The following ACADSB variants were observed in gnomAD, a reference collection of about 807,000 sequenced individuals.
ACADSB encodes the protein short/branched chain specific acyl-CoA dehydrogenase, mitochondrial.
A neutral mutation model predicts 54.1 loss-of-function variants in ACADSB; 40 were observed. The observed-to-expected ratio is 0.74, with a 90% CI of 0.57 to 0.96. The LOEUF (loss-of-function observed/expected upper bound fraction) is 0.96. Ranked by LOEUF, ACADSB falls within the 40% of genes least tolerant of loss-of-function variation. The pLI is 0.00. For missense variants in ACADSB, 530 were observed against 510.4 expected (o/e 1.04, Z -0.37); for synonymous variants, 182 against 182.8 (o/e 1.00, Z 0.03).
intron 1 of ACADSB, among the ~76,000 whole-genome samples, chr10:123,026,203 C>T (rs1177928661): frequency 3.3e-5 from 5 of 152,120 alleles, no homozygotes; most frequent in African/African-American, 7.2e-5. Flanking sequence ...AATAATAGTC[C>T]ACCAAAGTAT....
intron 1 of ACADSB, among the ~76,000 whole-genome samples, chr10:123,029,413 T>C (rs548150641): frequency 6.6e-6 from 1 of 151,888 alleles, no homozygotes; most frequent in Non-Finnish European, 1.5e-5. Flanking sequence ...ACTTCCACCC[T>C]CTCCTCAGAT....
intron 10 of ACADSB, 124 bp downstream of exon 10, chr10:123,053,284 G>T: frequency 1.3e-6 from 1 of 757,400 alleles, no homozygotes; most frequent in South Asian, 1.7e-5. Flanking sequence ...TATATGTTTG[G>T]TGGCTCTATT....
intron 7 of ACADSB, among the ~76,000 whole-genome samples, chr10:123,045,156 TATA>T (rs1850539774): frequency 7.1e-5 from 1 of 14,106 alleles, no homozygotes; most frequent in Non-Finnish European, 1.6e-4. Flanking sequence ...TATATATATA[TATA>T]TATATATATA....
At chr10:123,047,579 G>T (rs1210633364) in intron 8 of ACADSB, among the ~76,000 whole-genome samples, 1 of 152,188 alleles carries the variant, frequency 6.6e-6, no homozygotes, top group Admixed American at 6.5e-5. Context: ...AGGGCAGGGG[G>T]TCTGGAGTCA....
At position 123,009,041 on chromosome 10, in the gene ACADSB, G is replaced by A; in HGVS notation, c.12G>A (p.Leu4=). The A allele has an allele frequency of 1.3e-6, 2 of 1,548,086 alleles. No individual in the cohort carries two copies. The highest frequency in any genetic ancestry group is 1.7e-6 in the Non-Finnish European group (2 of 1,146,816). MEG[L]AVRLLRGSRL... is the part of the protein sequence containing the mutation. ...GGCCTGCGGCGAGGATGGAGGGCCT[G>A]GCAGTGCGGTTGCTGCGCGGCAGCA... The change falls in exon 1 of 11, where the codon CTG becomes CTA. Residue 4 remains leucine (L), a synonymous_variant. Coordinates refer to ENST00000358776, the MANE Select transcript of ACADSB (RefSeq NM_001609.4).
At chr10:123,032,189 C>T (rs1446854105) in intron 1 of ACADSB, among the ~76,000 whole-genome samples, 2 of 151,984 alleles carry the variant, frequency 1.3e-5, no homozygotes, top group Non-Finnish European at 2.9e-5. Context: ...CCATCTTGGC[C>T]AGGGTGGTCT....
intron 8 of ACADSB, among the ~76,000 whole-genome samples, chr10:123,048,090 A>T (rs961007631): frequency 1.3e-5 from 2 of 152,204 alleles, no homozygotes; most frequent in African/African-American, 4.8e-5. Flanking sequence ...GTCACCTAAA[A>T]TTCCAGAATA....
At chr10:123,029,961 C>T (rs1850304819) in intron 1 of ACADSB, among the ~76,000 whole-genome samples, 1 of 152,168 alleles carries the variant, frequency 6.6e-6, no homozygotes, top group Non-Finnish European at 1.5e-5. Flanking sequence ...ACTTTCTTCA[C>T]ACATCCTCAC....
In ACADSB at chr10:123,044,147, C is replaced by T. The variant is rs540646844; in HGVS notation, c.808-246C>T. On this transcript the variant is annotated intron_variant, in intron 6 of 10. Coordinates refer to ENST00000358776, the MANE Select transcript of ACADSB (RefSeq NM_001609.4). ...TGATGAATTCTATGAGATTCCCTTA[C>T]TCTAGATTCACTCATCCATTCAATA... 9.9e-5 allele frequency among the ~76,000 whole-genome samples: 15 copies of T among 152,278 alleles called. No individual in the cohort carries two copies. The East Asian group carries it at 2.9e-3, about 29-fold the overall frequency.
At chr10:123,018,478 C>T (rs752105930) in intron 1 of ACADSB, among the ~76,000 whole-genome samples, 32 of 152,044 alleles carry the variant, frequency 2.1e-4, no homozygotes, top group Non-Finnish European at 3.7e-4. Context: ...GGAAAGGTTG[C>T]GTTTTTAGCA....
Position 123,052,807 on chromosome 10 carries a change from T to TG in ACADSB, c.1129-254_1129-253insG, listed in dbSNP as rs1850649157. The TG allele has an allele frequency of 2.0e-6, 1 of 492,244 alleles. No individual in the cohort carries two copies. Among genetic ancestry groups the TG allele is most frequent in the Non-Finnish European group, 3.7e-6 (1 of 269,730 alleles). 30.5% of individuals were successfully genotyped at this position (492,244 alleles called of 1,614,324 possible). A position where few individuals can be genotyped will look rare whatever the true frequency, so the allele number is the denominator to read the frequency against. On this transcript the variant is annotated intron_variant, in intron 9 of 10. Transcript: ENST00000358776. This position sits in a 1 kb window ranked among gnomAD's most constrained non-coding sequence, Gnocchi z 4.2. ...CAGTAAACATTTCCTGAATAAATGA[T>TG]ATCTCTCAGCATGCAGATTCATGTG...
chr10:123,009,473 C>A (rs1482365635), intron 1 of ACADSB, among the ~76,000 whole-genome samples: 3 of 152,202 alleles, frequency 2.0e-5, no homozygotes, highest in Non-Finnish European at 2.9e-5. Flanking sequence ...ACATTTCACA[C>A]CCCCTCCCCC....
intron 1 of ACADSB, among the ~76,000 whole-genome samples, chr10:123,019,250 C>T (rs1405694861): frequency 6.6e-6 from 1 of 152,096 alleles, no homozygotes; most frequent in Non-Finnish European, 1.5e-5. Flanking sequence ...AACACTTTAC[C>T]AACCTATAGT....
chr10:123,025,867 C>A (rs1850243993), intron 1 of ACADSB, among the ~76,000 whole-genome samples: 1 of 152,096 alleles, frequency 6.6e-6, no homozygotes. Context: ...TGGAGACCAG[C>A]CTGGCCAACG....
intron 9 of ACADSB, among the ~76,000 whole-genome samples, 156 bp downstream of exon 9, chr10:123,051,342 G>A (rs1850631084): frequency 6.6e-6 from 1 of 151,078 alleles, no homozygotes; most frequent in Non-Finnish European, 1.5e-5. Context: ...TAATAGAAAA[G>A]CAAAAAAGGA....
chr10:123,014,002 G>A (rs1436047813), intron 1 of ACADSB, among the ~76,000 whole-genome samples: 2 of 152,232 alleles, frequency 1.3e-5, no homozygotes, highest in African/African-American at 2.4e-5. Flanking sequence ...AATGGGCGCC[G>A]AGGCCGAGGA....
chr10:123,046,788 A>G (rs1564753424), intron 7 of ACADSB, among the ~76,000 whole-genome samples: 1 of 152,226 alleles, frequency 6.6e-6, no homozygotes, highest in Non-Finnish European at 1.5e-5. Flanking sequence ...GTGACCTTCC[A>G]TATTTTACTT....
intron 10 of ACADSB, among the ~76,000 whole-genome samples, chr10:123,053,369 CT>C (rs1161257553): frequency 6.6e-6 from 1 of 151,824 alleles, no homozygotes; most frequent in South Asian, 2.1e-4. Context: ...ATCAAATTGC[CT>C]TTTTAAATGC....
In ACADSB at chr10:123,044,424, G is replaced by A; in HGVS notation, c.839G>A (p.Gly280Glu). Residue 280 changes from glycine (G) to glutamate (E), a missense_variant, in exon 7 of 11, where the codon GGA becomes GAA. Physicochemically the swap from Gly to Glu is moderately conservative, Grantham distance 98. Coordinates refer to ENST00000358776, the MANE Select transcript of ACADSB (RefSeq NM_001609.4). ...VPEANILGQIGHGYKYAIGSL... is the reference protein window; with the variant it reads ...VPEANILGQIEHGYKYAIGSL... ...GAAGCCAATATCTTGGGACAAATTG[G>A]ACATGGCTATAAGTATGCCATAGGG... is the stretch of plus-strand genomic sequence containing the variant. 1 of 1,613,904 alleles carries A rather than the reference G, an allele frequency of 6.2e-7. No homozygotes were observed. Among genetic ancestry groups the A allele is most frequent in the Non-Finnish European group, 8.5e-7 (1 of 1,179,862 alleles).
Sources: gnomAD v4.1 joint callset for allele counts (sites outside exome capture counted in the v4.1 genomes callset) on GRCh38, gnomAD v4.1.1 for gene constraint, Gnocchi (gnomAD v3.1) non-coding constraint, MANE v1.5 for transcripts, NCBI Gene and HGNC (gene_info 2026-07-23, HGNC 2026-07-21) for gene names.